The following LTBP1 variants were observed in gnomAD, a reference collection of about 807,000 sequenced individuals.
The protein encoded by LTBP1 is latent-transforming growth factor beta-binding protein 1.
A neutral mutation model predicts 207.6 loss-of-function variants in LTBP1; 129 were observed. The ratio of observed to expected loss-of-function variants is 0.62; its 90% CI spans 0.54 to 0.72. The LOEUF is 0.72. Ranked by LOEUF, LTBP1 falls within the 30% of genes least tolerant of loss-of-function variation. The probability of loss-of-function intolerance (pLI) is 0.00; values close to 1 mark genes in which losing one functional copy is unlikely to be tolerated. For missense variants in LTBP1, 2,281 were observed against 2,217.2 expected (o/e 1.03, Z -0.58); for synonymous variants, 963 against 833.7 (o/e 1.16, Z -2.67).
intron 11 of LTBP1, among the ~76,000 whole-genome samples, chr2:33,256,833 T>A (rs1404327738): frequency 2.3e-5 from 3 of 129,810 alleles, no homozygotes; most frequent in Non-Finnish European, 4.9e-5. Context: ...ATTGGTTGGT[T>A]GAATCTGTGG....
intron 7 of LTBP1, among the ~76,000 whole-genome samples, chr2:33,211,749 C>T (rs1161985692): frequency 2.6e-5 from 4 of 152,178 alleles, no homozygotes; most frequent in African/African-American, 9.7e-5. Context: ...CATATTCCAC[C>T]ATCTATCACA....
chr2:33,295,619 CT>C (rs1558964631), intron 20 of LTBP1, among the ~76,000 whole-genome samples: 1 of 152,096 alleles, frequency 6.6e-6, no homozygotes, highest in Non-Finnish European at 1.5e-5. Context: ...TTCTCCAAGG[CT>C]TCCCTAATTT....
intron 3 of LTBP1, among the ~76,000 whole-genome samples, chr2:33,075,247 AGC>A (rs1203104527): frequency 6.6e-6 from 1 of 152,216 alleles, no homozygotes; most frequent in African/African-American, 2.4e-5. Flanking sequence ...AGGAAAAATT[AGC>A]TTTGATTCAA....
chr2:33,240,012 A>T (rs2092244940), intron 9 of LTBP1, among the ~76,000 whole-genome samples: 1 of 152,184 alleles, frequency 6.6e-6, no homozygotes, highest in South Asian at 2.1e-4. Context: ...ATAAAATGAC[A>T]AATATTGTAA....
chr2:33,182,731 C>CACATATATGTATGTATGTGTACACAT (rs2086795348), intron 5 of LTBP1, among the ~76,000 whole-genome samples: 1 of 100,398 alleles, frequency 1.0e-5, no homozygotes, highest in Non-Finnish European at 2.1e-5. Flanking sequence ...CACACACACA[C>CACATATATGTATGTATGTGTACACAT]ACACAGACAT....
intron 7 of LTBP1, among the ~76,000 whole-genome samples, chr2:33,199,918 A>G (rs544291058): frequency 9.3e-4 from 142 of 152,252 alleles, no homozygotes; most frequent in African/African-American, 2.9e-3. Context: ...CAACTTACAA[A>G]GGATGTGAAG....
intron 3 of LTBP1, among the ~76,000 whole-genome samples, chr2:33,068,952 T>C (rs780934085): frequency 6.6e-6 from 1 of 152,248 alleles, no homozygotes; most frequent in Non-Finnish European, 1.5e-5. Flanking sequence ...TATCAATGTT[T>C]AACTATTCTA....
chr2:33,134,947 G>C lies in LTBP1; in HGVS notation c.1188G>C (p.Thr396=). Residue 396 remains threonine, a synonymous_variant, in exon 5 of 34, where the codon ACG becomes ACC. Coordinates refer to ENST00000404816, the MANE Select transcript of LTBP1 (RefSeq NM_206943.4). This position sits in a 1 kb window ranked among gnomAD's most constrained non-coding sequence, Gnocchi z 4.4. The part of the protein sequence containing the change: ...NGHAADTLTA[T]NFRVVICHLP... ...ATGCTGCCGACACCCTGACGGCCAC[G>C]AACTTCCGAGTGGGTGAGTTCCTCC... 6.2e-7 allele frequency: 1 copy of C among 1,611,470 alleles called. No homozygotes were observed. The highest frequency in any genetic ancestry group is 1.7e-5 in the Admixed American group (1 of 59,870).
intron 19 of LTBP1, among the ~76,000 whole-genome samples, chr2:33,289,382 TA>T (rs969367134): frequency 6.6e-6 from 1 of 152,206 alleles, no homozygotes; most frequent in East Asian, 1.9e-4. Context: ...TTTTATTTTT[TA>T]AAGTGTCAAG....
intron 8 of LTBP1, among the ~76,000 whole-genome samples, chr2:33,221,697 G>A (rs2091117655): frequency 6.6e-6 from 1 of 152,174 alleles, no homozygotes; most frequent in South Asian, 2.1e-4. Flanking sequence ...ACATCACCCA[G>A]AATGTTCCAG....
chr2:33,020,848 A>T, intron 2 of LTBP1, 61 bp from the exon 3 acceptor site: 1 of 1,475,716 alleles, frequency 6.8e-7, no homozygotes, highest in Non-Finnish European at 9.1e-7. Flanking sequence ...AACCCTTTGG[A>T]AAAATTAGGA....
At chr2:33,248,974 G>C (rs1213816806) in intron 10 of LTBP1, among the ~76,000 whole-genome samples, 1 of 152,090 alleles carries the variant, frequency 6.6e-6, no homozygotes, top group Admixed American at 6.5e-5. Flanking sequence ...CCTCAAAGCA[G>C]CTTTACCTGC....
chr2:33,183,530 A>G (rs1163229529), intron 5 of LTBP1, among the ~76,000 whole-genome samples: 1 of 152,242 alleles, frequency 6.6e-6, no homozygotes, highest in Non-Finnish European at 1.5e-5. Flanking sequence ...TACTCAGTTA[A>G]TATACCTTGG....
chr2:33,188,260 A>C (rs1291572015), intron 6 of LTBP1, among the ~76,000 whole-genome samples: 3 of 151,958 alleles, frequency 2.0e-5, no homozygotes, highest in Non-Finnish European at 1.5e-5. Context: ...GTCTCTACTA[A>C]AAATACAAAA....
chr2:33,242,243 A>G (rs2092353284), intron 9 of LTBP1, among the ~76,000 whole-genome samples: 1 of 152,186 alleles, frequency 6.6e-6, no homozygotes, highest in African/African-American at 2.4e-5. Flanking sequence ...GATGATCCTG[A>G]TAGTAATGTT....
chr2:33,203,487 C>T (rs2089547925), intron 7 of LTBP1, among the ~76,000 whole-genome samples: 1 of 152,172 alleles, frequency 6.6e-6, no homozygotes, highest in South Asian at 2.1e-4. Context: ...TTCCTGCGGC[C>T]CAGTATCTGG....
intron 2 of LTBP1, among the ~76,000 whole-genome samples, chr2:32,957,591 A>G (rs937159900): frequency 6.6e-5 from 10 of 152,214 alleles, no homozygotes; most frequent in African/African-American, 1.9e-4. Flanking sequence ...AACATGAAAG[A>G]TCACCGATCA....
chr2:33,015,206 A>G (rs1314937083), intron 2 of LTBP1, among the ~76,000 whole-genome samples: 1 of 152,136 alleles, frequency 6.6e-6, no homozygotes, highest in East Asian at 1.9e-4. Context: ...TGTAACTATA[A>G]CATAAGGTTA....
intron 9 of LTBP1, among the ~76,000 whole-genome samples, chr2:33,235,736 A>G (rs2092012808): frequency 6.6e-6 from 1 of 152,272 alleles, no homozygotes; most frequent in African/African-American, 2.4e-5. Flanking sequence ...AAAAAGGATG[A>G]GTTCATGTCC....
Sources: gnomAD v4.1 joint callset for allele counts (sites outside exome capture counted in the v4.1 genomes callset) on GRCh38, gnomAD v4.1.1 for gene constraint, Gnocchi (gnomAD v3.1) non-coding constraint, MANE v1.5 for transcripts, NCBI Gene and HGNC (gene_info 2026-07-23, HGNC 2026-07-21) for gene names.